The following SBF2 variants were observed in gnomAD, a reference collection of about 807,000 sequenced individuals.
SBF2 encodes the protein myotubularin-related protein 13.
A neutral mutation model predicts 225.2 loss-of-function variants in SBF2; 112 were observed. The observed-to-expected ratio is 0.50, with a 90% CI of 0.43 to 0.58. SBF2 has a LOEUF of 0.58. Ranked by LOEUF, SBF2 falls within the 20% of genes least tolerant of loss-of-function variation. The pLI is 0.00. For synonymous variants in SBF2, 763 were observed against 773.3 expected, an observed-to-expected ratio of 0.99 and a Z score of 0.22; for missense variants, 1,996 against 2,206.2, an observed-to-expected ratio of 0.90 and a Z score of 1.91.
intron 13 of SBF2, among the ~76,000 whole-genome samples, chr11:9,983,792 G>A (rs1018182067): frequency 2.0e-5 from 3 of 152,180 alleles, no homozygotes; most frequent in Admixed American, 2.0e-4. Flanking sequence ...CCTGGAGCCA[G>A]GGAGACTCGC....
At chr11:10,252,561 T>C (rs546127889) in intron 1 of SBF2, among the ~76,000 whole-genome samples, 1 of 152,294 alleles carries the variant, frequency 6.6e-6, no homozygotes, top group African/African-American at 2.4e-5. Context: ...CCCAGCACTT[T>C]GGGAGGCCAA....
chr11:10,251,370 T>C (rs1960330513), intron 1 of SBF2, among the ~76,000 whole-genome samples: 1 of 152,246 alleles, frequency 6.6e-6, no homozygotes, highest in African/African-American at 2.4e-5. Flanking sequence ...TAGCAGATTC[T>C]ACTGTAAAGG....
intron 1 of SBF2, among the ~76,000 whole-genome samples, chr11:10,278,005 T>C (rs946501699): frequency 5.9e-5 from 9 of 152,222 alleles, no homozygotes; most frequent in Non-Finnish European, 1.3e-4. Context: ...TAAGCACTAT[T>C]GTTTAAACAT....
At chr11:10,285,186 T>C (rs1397723975) in intron 1 of SBF2, among the ~76,000 whole-genome samples, 1 of 152,020 alleles carries the variant, frequency 6.6e-6, no homozygotes, top group African/African-American at 2.4e-5. Flanking sequence ...GGCGTGCACC[T>C]GTAGTCCCAG....
At chr11:10,173,604 AG>A (rs1956317654) in intron 2 of SBF2, among the ~76,000 whole-genome samples, 2 of 152,228 alleles carry the variant, frequency 1.3e-5, no homozygotes, top group South Asian at 4.1e-4. Flanking sequence ...ACCATTGCCC[AG>A]GCTTGCTTAG....
chr11:10,017,116 T>G (rs1375196355), intron 6 of SBF2: 2 of 152,202 alleles, frequency 1.3e-5, no homozygotes, highest in African/African-American at 2.4e-5. Context: ...GGCTTCCTGA[T>G]CTCAATTTTC....
chr11:10,247,461 A>C (rs185993467), intron 1 of SBF2, among the ~76,000 whole-genome samples: 1 of 151,452 alleles, frequency 6.6e-6, no homozygotes, highest in Admixed American at 6.6e-5. Context: ...TGGGAAGATC[A>C]CTTGAGGTCA....
intron 16 of SBF2, among the ~76,000 whole-genome samples, chr11:9,935,521 A>C (rs1321344021): frequency 6.6e-6 from 1 of 152,262 alleles, no homozygotes; most frequent in Non-Finnish European, 1.5e-5. Context: ...CAAAAAGAAG[A>C]AAGCTGGAGG....
chr11:10,077,723 C>T (rs534022479), intron 2 of SBF2, among the ~76,000 whole-genome samples: 2 of 152,312 alleles, frequency 1.3e-5, no homozygotes, highest in African/African-American at 4.8e-5. Context: ...AGCACATAGG[C>T]ATGGGCAAAG....
At chr11:10,029,246 T>C (rs1301610942) in intron 5 of SBF2, among the ~76,000 whole-genome samples, 1 of 152,210 alleles carries the variant, frequency 6.6e-6, no homozygotes, top group Non-Finnish European at 1.5e-5. Context: ...GCAGAGATTC[T>C]TATTTTTCTA....
At chr11:10,127,383 T>C (rs755783083) in intron 2 of SBF2, among the ~76,000 whole-genome samples, 14 of 152,112 alleles carry the variant, frequency 9.2e-5, no homozygotes, top group Non-Finnish European at 1.9e-4. Context: ...TTTCCTCTTT[T>C]AGGCTGGTCT....
intron 2 of SBF2, among the ~76,000 whole-genome samples, chr11:10,145,902 A>T (rs1954862900): frequency 6.6e-6 from 1 of 152,204 alleles, no homozygotes. Flanking sequence ...CAACATACAA[A>T]CACCACTAGC....
chr11:9,959,915 C>T (rs1866452865), intron 16 of SBF2: 7 of 335,234 alleles, frequency 2.1e-5, no homozygotes, highest in South Asian at 2.1e-4. Context: ...TCGGCTCTGC[C>T]TTTTAAGATA....
intron 1 of SBF2, among the ~76,000 whole-genome samples, chr11:10,265,881 G>A (rs11042701): frequency 0.025 from 3,830 of 152,052 alleles, 123 homozygotes; most frequent in African/African-American, 0.074. Flanking sequence ...GTGTGCGCGC[G>A]CGCATGTGTG....
intron 1 of SBF2, among the ~76,000 whole-genome samples, chr11:10,258,141 T>C (rs1467970141): frequency 6.0e-5 from 9 of 150,670 alleles, no homozygotes. Context: ...GATCTCCCTC[T>C]GTCACCTGGG....
chr11:10,035,459 T>A (rs1002846386), intron 3 of SBF2, among the ~76,000 whole-genome samples: 1 of 152,014 alleles, frequency 6.6e-6, no homozygotes. Flanking sequence ...AAAGAAACTA[T>A]CAGCAGAGTG....
At chr11:9,981,847 T>A (rs530854479) in intron 13 of SBF2, among the ~76,000 whole-genome samples, 27 of 152,222 alleles carry the variant, frequency 1.8e-4, no homozygotes, top group Non-Finnish European at 3.8e-4. Context: ...ATTTTTTTGT[T>A]TACTAAAGTC....
At chr11:9,883,972 A>T (rs1860042550) in intron 17 of SBF2, among the ~76,000 whole-genome samples, 1 of 152,218 alleles carries the variant, frequency 6.6e-6, no homozygotes, top group Non-Finnish European at 1.5e-5. Flanking sequence ...AGACATCATC[A>T]GCATTTACAC....
chr11:9,940,409 A>G (rs1361085290), intron 16 of SBF2, among the ~76,000 whole-genome samples: 4 of 152,170 alleles, frequency 2.6e-5, no homozygotes, highest in Non-Finnish European at 4.4e-5. Context: ...TGCCTCAAAA[A>G]AAAATTTTTT....
Sources: allele counts gnomAD v4.1 joint callset (sites outside exome capture counted in the v4.1 genomes callset), GRCh38; gene constraint gnomAD v4.1.1; transcripts MANE v1.5; gene names NCBI Gene and HGNC (gene_info 2026-07-23, HGNC 2026-07-21).